PHACTR2: variants seen among roughly 807,000 people sequenced by gnomAD.
PHACTR2 encodes chromosome 6 open reading frame 56.
A neutral mutation model predicts 76.0 loss-of-function variants in PHACTR2; 30 were observed. The ratio of observed to expected loss-of-function variants is 0.39; its 90% confidence interval spans 0.30 to 0.54. PHACTR2 has a LOEUF of 0.54. PHACTR2 is among the 20% of genes least tolerant of loss of function. The probability of loss-of-function intolerance (pLI) is 0.61; values close to 1 mark genes in which losing one functional copy is unlikely to be tolerated. For synonymous variants in PHACTR2, 292 were observed against 292.5 expected (o/e 1.00, Z 0.02); for missense variants, 696 against 781.1 (o/e 0.89, Z 1.30).
At position 143,709,189 on chromosome 6, in the gene PHACTR2, C is replaced by A. The variant is rs761674251; in HGVS notation, c.47-2827C>A. Among the ~76,000 whole-genome samples, 1 of 152,194 alleles carries A rather than the reference C, an allele frequency of 6.6e-6. No homozygotes were observed. Among genetic ancestry groups the A allele is most frequent in the African/African-American group, 2.4e-5 (1 of 41,438 alleles). On this transcript the variant is annotated intron_variant, in intron 1 of 12. Coordinates refer to ENST00000440869, the MANE Select transcript of PHACTR2 (RefSeq NM_001100164.2). This position sits in a 1 kb window ranked among gnomAD's most constrained non-coding sequence, Gnocchi z 4.4. ...TGAATTAGCTTCAAAATCAGTCTGT[C>A]CCCTGTATCTCTATCTGTTGTGCTA...
intron 1 of PHACTR2, among the ~76,000 whole-genome samples, chr6:143,560,422 A>G (rs1243845042): frequency 3.3e-5 from 5 of 152,218 alleles, no homozygotes; most frequent in African/African-American, 4.8e-5. Context: ...GCAAGTTAAA[A>G]ATGACAAGAA....
Position 143,829,784 on chromosome 6 carries a change from G to A in PHACTR2, c.*6095G>A, listed in dbSNP as rs540266665. The A allele has an allele frequency of 7.2e-5, 11 of 152,248 alleles. No homozygotes were observed. Among genetic ancestry groups the A allele is most frequent in the East Asian group, 3.9e-4 (2 of 5,188 alleles). The allele number at this position is 152,248 out of a possible 1,614,324, so 9.4% of individuals were successfully genotyped here. ...AAGTTTCTAAATTGTTTTTGGGGCC[G>A]AGTAACGCAGAGTCAATAAAGGTGG... On this transcript the variant is annotated 3_prime_UTR_variant, in exon 13 of 13. Coordinates refer to ENST00000440869, the MANE Select transcript of PHACTR2 (RefSeq NM_001100164.2).
chr6:143,668,580 G>T (rs539464109), intron 1 of PHACTR2, among the ~76,000 whole-genome samples: 1 of 152,028 alleles, frequency 6.6e-6, no homozygotes, highest in African/African-American at 2.4e-5. Context: ...TCAGGGATTC[G>T]ACTTCTTCCT....
In PHACTR2 at chr6:143,809,970, G is replaced by GCCTA. The variant is rs1776142980; in HGVS notation, c.1922+2838_1922+2839insCTAC. ...TACTAAAAATACAAAAATTAGCTGAGCGTAGTGGCTCACAGCTGTAGTCCC... is the reference window on the plus strand; with the variant it reads ...TACTAAAAATACAAAAATTAGCTGAGCCTACGTAGTGGCTCACAGCTGTAGTCCC... On this transcript the variant is annotated intron_variant, in intron 12 of 12. Transcript: ENST00000440869. The surrounding 1 kb of genome is among the most constrained non-coding windows in gnomAD (Gnocchi z 4.2). 7.2e-5 allele frequency among the ~76,000 whole-genome samples: 11 copies of GCCTA among 152,114 alleles called. No homozygotes were observed. The South Asian group carries it at 2.1e-3, about 29-fold the overall frequency.
intron 5 of PHACTR2, among the ~76,000 whole-genome samples, chr6:143,762,019 A>C (rs149444889): frequency 3.5e-4 from 53 of 152,228 alleles, no homozygotes; most frequent in African/African-American, 1.2e-3. Context: ...ATGATGTGCC[A>C]ACAGTGCCCA....
rs1776069557 is a variant in PHACTR2 at position 143,617,044 on chromosome 6, A to G, written c.13+8722A>G. ...CCTACCAGCTTTCAGGAGCCTTTGA[A>G]GGGTTTTACGAGACTGGGAAGAATG... is the stretch of plus-strand genomic sequence containing the variant. On this transcript the variant is annotated intron_variant, in intron 1 of 11. Transcript: ENST00000305766. This position sits in a 1 kb window ranked among gnomAD's most constrained non-coding sequence, Gnocchi z 4.8. 6.6e-6 allele frequency among the ~76,000 whole-genome samples: 1 copy of G among 152,164 alleles called. No homozygotes were observed. Among genetic ancestry groups the G allele is most frequent in the Admixed American group, 6.5e-5 (1 of 15,274 alleles).
intron 2 of PHACTR2, among the ~76,000 whole-genome samples, chr6:143,734,034 G>A (rs748564440): frequency 6.6e-6 from 1 of 151,356 alleles, no homozygotes; most frequent in Non-Finnish European, 1.5e-5. Flanking sequence ...TTTTTTCTTG[G>A]TTCAATCTTT....
chr6:143,707,258 C>A (rs1055041245), intron 1 of PHACTR2, among the ~76,000 whole-genome samples: 6 of 152,200 alleles, frequency 3.9e-5, no homozygotes, highest in African/African-American at 1.4e-4. Context: ...TTAAAGCATA[C>A]ACAGCAGAGT....
rs1226512652 is a variant in PHACTR2 at position 143,730,131 on chromosome 6, T to C, written c.214+17948T>C. ...ACCTTATTCTTCATTTAAAATTGTTTTAACTAATCTAGTTTGTTTGGCTTT... is the reference window on the plus strand; with the variant it reads ...ACCTTATTCTTCATTTAAAATTGTTCTAACTAATCTAGTTTGTTTGGCTTT... On this transcript the variant is annotated intron_variant, in intron 2 of 12. Transcript: ENST00000440869. The surrounding 1 kb of genome is among the most constrained non-coding windows in gnomAD (Gnocchi z 4.8). Among the ~76,000 whole-genome samples, 1 of 152,228 alleles carries C rather than the reference T, an allele frequency of 6.6e-6. No homozygotes were observed. Among genetic ancestry groups the C allele is most frequent in the Non-Finnish European group, 1.5e-5 (1 of 68,020 alleles).
chr6:143,791,620 C>T lies in PHACTR2; in HGVS notation c.1845+2710C>T, dbSNP rs1231396233. Among the ~76,000 whole-genome samples the T allele has an allele frequency of 2.0e-5, 3 of 151,956 alleles. No homozygotes were observed. Among genetic ancestry groups the T allele is most frequent in the Admixed American group, 2.0e-4 (3 of 15,252 alleles). Reference sequence around the variant, plus strand: ...TGCTAGTTCTATTCAGATTTCTGTACCCTTAGTTATTTTTTTGTCAGTTTG... The same window carrying T: ...TGCTAGTTCTATTCAGATTTCTGTATCCTTAGTTATTTTTTTGTCAGTTTG... On this transcript the variant is annotated intron_variant, in intron 11 of 12. Coordinates refer to ENST00000440869, the MANE Select transcript of PHACTR2 (RefSeq NM_001100164.2). This position sits in a 1 kb window ranked among gnomAD's most constrained non-coding sequence, Gnocchi z 4.7.
Position 143,752,686 on chromosome 6 carries a change from G to T in PHACTR2, c.296-1068G>T, listed in dbSNP as rs529914343. The stretch of plus-strand genomic sequence containing the variant: ...GAAGGCAAATGGATTTTATTGTTAA[G>T]CCAAAGCAATTCAATCCTATTTAAT... On this transcript the variant is annotated intron_variant, in intron 3 of 12. Coordinates refer to ENST00000440869, the MANE Select transcript of PHACTR2 (RefSeq NM_001100164.2). 2.0e-5 allele frequency among the ~76,000 whole-genome samples: 3 copies of T among 152,198 alleles called. No individual in the cohort carries two copies. The South Asian group carries it at 6.2e-4, about 31-fold the overall frequency.
At position 143,794,508 on chromosome 6, in the gene PHACTR2, ATGAGGCCAGG is replaced by A. The variant is rs1775782673; in HGVS notation, c.1845+5601_1845+5610del. On this transcript the variant is annotated intron_variant, in intron 11 of 12. Coordinates refer to ENST00000440869, the MANE Select transcript of PHACTR2 (RefSeq NM_001100164.2). This position sits in a 1 kb window ranked among gnomAD's most constrained non-coding sequence, Gnocchi z 4.1. Reference sequence around the variant, plus strand: ...CCACCTCTGCTTTAAAAAATAAACAATGAGGCCAGGTGCAGTGGCTCATGCCTGTAATCCA... The same window carrying A: ...CCACCTCTGCTTTAAAAAATAAACAATGCAGTGGCTCATGCCTGTAATCCA... Among the ~76,000 whole-genome samples the A allele has an allele frequency of 6.6e-6, 1 of 152,098 alleles. No homozygotes were observed. Among genetic ancestry groups the A allele is most frequent in the South Asian group, 2.1e-4 (1 of 4,832 alleles).
chr6:143,611,891 G>A lies in PHACTR2; in HGVS notation c.13+3569G>A, dbSNP rs1257541750. Among the ~76,000 whole-genome samples the A allele has an allele frequency of 6.6e-6, 1 of 152,194 alleles. No individual in the cohort carries two copies. Among genetic ancestry groups the A allele is most frequent in the African/African-American group, 2.4e-5 (1 of 41,446 alleles). ...GATGCATTGGATATGCATCAGCAGA[G>A]CACGACGAGTGGATATGGAGGCAGG... is the stretch of plus-strand genomic sequence containing the variant. On this transcript the variant is annotated intron_variant, in intron 1 of 11. Coordinates refer to the PHACTR2 transcript ENST00000305766. This position sits in a 1 kb window ranked among gnomAD's most constrained non-coding sequence, Gnocchi z 4.4.
At chr6:143,675,446 A>G (rs183756306), upstream of PHACTR2, among the ~76,000 whole-genome samples, 298 of 152,276 alleles carry the variant, frequency 2.0e-3, no homozygotes, top group African/African-American at 6.5e-3. The surrounding 1 kb of genome is among the most constrained non-coding windows in gnomAD (Gnocchi z 4.9). Flanking sequence ...AAGCTGTTTG[A>G]TATCAGTTTT....
chr6:143,635,369 C>T (rs1776433309), intron 1 of PHACTR2, among the ~76,000 whole-genome samples: 1 of 150,506 alleles, frequency 6.6e-6, no homozygotes, highest in Admixed American at 6.6e-5. Context: ...TACAAAAATG[C>T]CACATAAAGC....
intron 1 of PHACTR2, among the ~76,000 whole-genome samples, chr6:143,681,497 T>A (rs937315762): frequency 2.6e-5 from 4 of 152,104 alleles, no homozygotes; most frequent in Non-Finnish European, 5.9e-5. Context: ...AAATCCCTTG[T>A]CAGGTACATG....
At position 143,765,183 on chromosome 6, in the gene PHACTR2, G is replaced by T; in HGVS notation, c.695-78G>T. On this transcript the variant is annotated intron_variant, in intron 5 of 12. Coordinates refer to ENST00000440869, the MANE Select transcript of PHACTR2 (RefSeq NM_001100164.2). The surrounding 1 kb of genome is among the most constrained non-coding windows in gnomAD (Gnocchi z 4.1). ...TAAAGGGAACATTTTAAATGTTGTT[G>T]ACAGTTACACCTTGGTTACTTTATT... 1 of 1,092,724 alleles carries T rather than the reference G, an allele frequency of 9.2e-7. No individual in the cohort carries two copies. Among genetic ancestry groups the T allele is most frequent in the African/African-American group, 1.6e-5 (1 of 63,768 alleles). The allele number at this position is 1,092,724 out of a possible 1,614,324, so 67.7% of individuals were successfully genotyped here.
rs1201023984 is a variant in PHACTR2 at position 143,823,311 on chromosome 6, G to T, written c.1923-363G>T. Among the ~76,000 whole-genome samples the T allele has an allele frequency of 2.0e-5, 3 of 152,168 alleles. No homozygotes were observed. The highest frequency in any genetic ancestry group is 2.9e-5 in the Non-Finnish European group (2 of 68,036). On this transcript the variant is annotated intron_variant, in intron 12 of 12. Coordinates refer to ENST00000440869, the MANE Select transcript of PHACTR2 (RefSeq NM_001100164.2). This position sits in a 1 kb window ranked among gnomAD's most constrained non-coding sequence, Gnocchi z 5.7. ...TGTGCTTTTATAATACAGACGAGGT[G>T]TACCAAAATCCCTTTGTGAAACATC...
At position 143,811,020 on chromosome 6, in the gene PHACTR2, A is replaced by G. The variant is rs1776164145; in HGVS notation, c.1922+3887A>G. Among the ~76,000 whole-genome samples, 1 of 152,088 alleles carries G rather than the reference A, an allele frequency of 6.6e-6. No individual in the cohort carries two copies. Among genetic ancestry groups the G allele is most frequent in the Non-Finnish European group, 1.5e-5 (1 of 68,028 alleles). On this transcript the variant is annotated intron_variant, in intron 12 of 12. Transcript: ENST00000440869. This position sits in a 1 kb window ranked among gnomAD's most constrained non-coding sequence, Gnocchi z 4.1. ...TTTAAATTTTTGTATATTCAAATCT[A>G]TCTGTATTGTTATGTTTTACTTCAT...
Sources: gnomAD v4.1 joint callset for allele counts (sites outside exome capture counted in the v4.1 genomes callset) on GRCh38, gnomAD v4.1.1 for gene constraint, Gnocchi (gnomAD v3.1) non-coding constraint, MANE v1.5 for transcripts, NCBI Gene and HGNC (gene_info 2026-07-23, HGNC 2026-07-21) for gene names.